The following TOPBP1 variants were observed in gnomAD, a reference collection of about 807,000 sequenced individuals.
The protein encoded by TOPBP1 is DNA topoisomerase 2-binding protein 1.
In TOPBP1, 28 loss-of-function variants were observed where a neutral mutation model predicts 167.7. That is an observed-to-expected ratio of 0.17 (90% CI 0.12 to 0.23). The LOEUF is 0.23. TOPBP1 is among the 10% of genes least tolerant of loss of function. The pLI is 1.00. For missense variants in TOPBP1, 1,554 were observed against 1,809.6 expected (o/e 0.86, Z 2.56); for synonymous variants, 598 against 611.4 (o/e 0.98, Z 0.32).
chr3:133,623,740 A>G (rs1465298288), intron 17 of TOPBP1, among the ~76,000 whole-genome samples: 3 of 152,234 alleles, frequency 2.0e-5, no homozygotes, highest in Admixed American at 6.5e-5. Context: ...AAAAAAAGAA[A>G]CACAGATCTA....
chr3:133,632,125 T>C (rs916447151), intron 14 of TOPBP1, among the ~76,000 whole-genome samples: 2 of 151,830 alleles, frequency 1.3e-5, no homozygotes, highest in African/African-American at 2.4e-5. Flanking sequence ...CTTTATAAAG[T>C]TGGACGTGGT....
intron 23 of TOPBP1, among the ~76,000 whole-genome samples, chr3:133,616,123 T>TTTTC (rs1559809820): frequency 7.1e-5 from 7 of 98,560 alleles, no homozygotes; most frequent in Non-Finnish European, 9.7e-5. Flanking sequence ...TTCTTTTCCC[T>TTTTC]TTTTTTTTTT....
chr3:133,601,724 G>C (rs935232980), intron 27 of TOPBP1, among the ~76,000 whole-genome samples: 1 of 152,140 alleles, frequency 6.6e-6, no homozygotes, highest in African/African-American at 2.4e-5. Flanking sequence ...ATAACTAGCA[G>C]GTAGCAAAGC....
intron 23 of TOPBP1, among the ~76,000 whole-genome samples, chr3:133,614,998 A>T (rs1050303540): frequency 2.0e-5 from 3 of 151,928 alleles, no homozygotes; most frequent in African/African-American, 7.2e-5. Context: ...AAAAATAAAA[A>T]AAAATAAAGC....
At chr3:133,627,415 T>C (rs1011527987) in intron 16 of TOPBP1, among the ~76,000 whole-genome samples, 3 of 152,136 alleles carry the variant, frequency 2.0e-5, no homozygotes, top group African/African-American at 7.2e-5. Flanking sequence ...TAATAGGTAA[T>C]TAGATAATAA....
At chr3:133,625,706 G>A (rs141691710) in intron 16 of TOPBP1, among the ~76,000 whole-genome samples, 30 of 151,762 alleles carry the variant, frequency 2.0e-4, no homozygotes, top group Admixed American at 7.2e-4. Flanking sequence ...ACTCCAGCCT[G>A]GGCAACAAGA....
At chr3:133,643,995 A>G (rs776852208) in intron 11 of TOPBP1, 25 bp downstream of exon 11, 1 of 1,554,536 alleles carries the variant, frequency 6.4e-7, no homozygotes, top group South Asian at 1.2e-5. Flanking sequence ...TCGATACTTT[A>G]TTTCAACCAC....
At chr3:133,606,803 A>G (rs879589707) in intron 27 of TOPBP1, among the ~76,000 whole-genome samples, 2 of 152,186 alleles carry the variant, frequency 1.3e-5, no homozygotes, top group Non-Finnish European at 2.9e-5. Context: ...CTAGATATCT[A>G]TATGGAAAAA....
intron 21 of TOPBP1, 97 bp downstream of exon 21, chr3:133,618,116 C>G (rs777869913): frequency 9.9e-7 from 1 of 1,011,102 alleles, no homozygotes; most frequent in South Asian, 1.8e-5. Context: ...TTTGTTTGCA[C>G]ATTCAGATCA....
intron 16 of TOPBP1, among the ~76,000 whole-genome samples, chr3:133,626,878 C>A (rs1338467609): frequency 6.6e-6 from 1 of 152,090 alleles, no homozygotes; most frequent in African/African-American, 2.4e-5. Context: ...GGGAATGTTA[C>A]ACAAATATTT....
At chr3:133,653,911 C>T (rs1476525125) in intron 6 of TOPBP1, among the ~76,000 whole-genome samples, 2 of 152,132 alleles carry the variant, frequency 1.3e-5, no homozygotes, top group Non-Finnish European at 1.5e-5. Context: ...GGATTACAAG[C>T]GTGAGCAACC....
chr3:133,658,969 A>G, intron 3 of TOPBP1, 47 bp downstream of exon 3: 1 of 1,538,932 alleles, frequency 6.5e-7, no homozygotes. Flanking sequence ...AAGCAAAGAT[A>G]AACCAAAAAA....
intron 21 of TOPBP1, chr3:133,617,992 T>C: frequency 2.0e-6 from 1 of 507,532 alleles, no homozygotes; most frequent in Non-Finnish European, 3.5e-6. Context: ...CGCCCAATTC[T>C]AAATTTCCAA....
At chr3:133,631,346 A>G (rs1935471424) in intron 14 of TOPBP1, among the ~76,000 whole-genome samples, 1 of 152,230 alleles carries the variant, frequency 6.6e-6, no homozygotes, top group Non-Finnish European at 1.5e-5. Context: ...AATCTTATAC[A>G]CTAACTTGAT....
chr3:133,620,007 A>G (rs1935027867), intron 20 of TOPBP1, 148 bp downstream of exon 20: 1 of 770,878 alleles, frequency 1.3e-6, no homozygotes, highest in Admixed American at 3.1e-5. Flanking sequence ...TAGTCTTGAT[A>G]TTTAAATTTC....
chr3:133,610,749 C>T (rs1433408378), intron 25 of TOPBP1, among the ~76,000 whole-genome samples: 1 of 151,850 alleles, frequency 6.6e-6, no homozygotes, highest in Non-Finnish European at 1.5e-5. Context: ...ATTTGATCTA[C>T]AAATTCCTTT....
chr3:133,634,529 A>G (rs961328164), intron 14 of TOPBP1, among the ~76,000 whole-genome samples: 2 of 152,092 alleles, frequency 1.3e-5, no homozygotes, highest in African/African-American at 4.8e-5. Flanking sequence ...AAAAAAAGAT[A>G]AAAGATAAAA....
intron 19 of TOPBP1, among the ~76,000 whole-genome samples, chr3:133,622,858 A>G (rs1660230717): frequency 6.6e-6 from 1 of 152,196 alleles, no homozygotes; most frequent in South Asian, 2.1e-4. Context: ...TTTGCAAATT[A>G]TCACTTAATG....
Position 133,649,999 on chromosome 3 carries a change from A to G in TOPBP1, c.1090-56T>C, listed in dbSNP as rs1936229919. 7 of 1,386,212 alleles carry G rather than the reference A, an allele frequency of 5.0e-6. No homozygotes were observed. In the South Asian group the frequency reaches 1.1e-4, roughly 22 times the overall value. 85.9% of individuals were successfully genotyped at this position (1,386,212 alleles called of 1,614,324 possible). On this transcript the variant is annotated intron_variant, in intron 8 of 27. Transcript: ENST00000260810. ...ACATGCTTTCTCTCAATAGAAAAAA[A>G]CTAAAAATATATATCTAAATCCACT...
Sources: allele counts gnomAD v4.1 joint callset (sites outside exome capture counted in the v4.1 genomes callset), GRCh38; gene constraint gnomAD v4.1.1; transcripts MANE v1.5; gene names NCBI Gene and HGNC (gene_info 2026-07-23, HGNC 2026-07-21).